The following NKAIN2 variants were observed in gnomAD, a reference collection of about 807,000 sequenced individuals.
NKAIN2 encodes sodium/potassium transporting ATPase interacting 2, also known as sodium/potassium-transporting ATPase subunit beta-1-interacting protein 2.
Under a neutral mutation model 32.6 loss-of-function variants are expected in NKAIN2, and 14 were observed. The ratio of observed to expected loss-of-function variants is 0.43; its 90% CI spans 0.28 to 0.67. The LOEUF (loss-of-function observed/expected upper bound fraction) is 0.67. Ranked by LOEUF, NKAIN2 falls within the 30% of genes least tolerant of loss-of-function variation. The pLI, the probability that NKAIN2 is intolerant of heterozygous loss-of-function variation, is 0.17. For missense variants in NKAIN2, 198 were observed against 258.3 expected (o/e 0.77, Z 1.60); for synonymous variants, 80 against 87.2 (o/e 0.92, Z 0.46).
intron 1 of NKAIN2, among the ~76,000 whole-genome samples, chr6:124,160,747 A>G (rs1426562680): frequency 6.6e-6 from 1 of 152,140 alleles, no homozygotes; most frequent in African/African-American, 2.4e-5. Flanking sequence ...GAAGGTGTAA[A>G]TATGCATGTA....
At chr6:123,910,896 T>G (rs951271544) in intron 1 of NKAIN2, among the ~76,000 whole-genome samples, 6 of 152,118 alleles carry the variant, frequency 3.9e-5, no homozygotes, top group Admixed American at 3.3e-4. Context: ...GATTGAGCCT[T>G]TATTTTTTCT....
chr6:124,719,283 G>T (rs977484302), intron 4 of NKAIN2, among the ~76,000 whole-genome samples: 3 of 152,060 alleles, frequency 2.0e-5, no homozygotes, highest in Non-Finnish European at 4.4e-5. Flanking sequence ...AACTTTAATG[G>T]TAGAATATAT....
intron 6 of NKAIN2, 92 bp from the exon 7 acceptor site, chr6:124,823,128 T>C (rs1307932026): frequency 2.3e-6 from 2 of 874,830 alleles, no homozygotes; most frequent in South Asian, 1.3e-5. Flanking sequence ...TTTGTTTGTT[T>C]GCTCTTGTGC....
At chr6:124,091,764 G>A (rs947896468) in intron 1 of NKAIN2, among the ~76,000 whole-genome samples, 12 of 151,820 alleles carry the variant, frequency 7.9e-5, no homozygotes, top group African/African-American at 2.9e-4. Flanking sequence ...TACACATCGT[G>A]TTGTTTACCT....
intron 3 of NKAIN2, among the ~76,000 whole-genome samples, chr6:124,577,486 C>G (rs1781375750): frequency 6.6e-6 from 1 of 152,120 alleles, no homozygotes; most frequent in Non-Finnish European, 1.5e-5. Context: ...AGAACTCAGC[C>G]AGCACTCACA....
chr6:123,916,870 T>A (rs1775529063), intron 1 of NKAIN2, among the ~76,000 whole-genome samples: 1 of 152,006 alleles, frequency 6.6e-6, no homozygotes, highest in Non-Finnish European at 1.5e-5. Context: ...GTCATCTACC[T>A]ACCTACCTAC....
intron 4 of NKAIN2, among the ~76,000 whole-genome samples, chr6:124,717,972 T>C (rs761674366): frequency 1.3e-5 from 2 of 152,154 alleles, no homozygotes; most frequent in Non-Finnish European, 2.9e-5. Context: ...TGGTTTTATC[T>C]CTAAGGGATC....
intron 3 of NKAIN2, among the ~76,000 whole-genome samples, chr6:124,518,331 A>T (rs1166870139): frequency 6.6e-6 from 1 of 151,992 alleles, no homozygotes; most frequent in East Asian, 1.9e-4. Flanking sequence ...AGCAAAAGAA[A>T]AAAAGAGGCA....
chr6:124,408,719 TC>T (rs1562163642), intron 3 of NKAIN2, among the ~76,000 whole-genome samples: 1 of 151,568 alleles, frequency 6.6e-6, no homozygotes, highest in African/African-American at 2.4e-5. Context: ...AGTAGTTTTT[TC>T]CAATTCTGTG....
chr6:124,286,673 TGCGCGCGC>T (rs71021487), intron 2 of NKAIN2, among the ~76,000 whole-genome samples: 1 of 101,888 alleles, frequency 9.8e-6, no homozygotes, highest in African/African-American at 5.5e-5. Context: ...TGTGTGTGTG[TGCGCGCGC>T]GTGTGTGTGT....
At chr6:123,909,858 T>C (rs1288705682) in intron 1 of NKAIN2, among the ~76,000 whole-genome samples, 2 of 152,142 alleles carry the variant, frequency 1.3e-5, no homozygotes, top group Non-Finnish European at 2.9e-5. Flanking sequence ...TCCACAACCA[T>C]TTGCACAGCA....
At chr6:123,832,894 T>C (rs1489167488) in intron 1 of NKAIN2, among the ~76,000 whole-genome samples, 1 of 152,254 alleles carries the variant, frequency 6.6e-6, no homozygotes, top group Non-Finnish European at 1.5e-5. Flanking sequence ...AAATGTCTTT[T>C]GCAAATATTG....
chr6:124,363,727 A>T (rs1436997371), intron 3 of NKAIN2, among the ~76,000 whole-genome samples: 1 of 152,210 alleles, frequency 6.6e-6, no homozygotes, highest in Non-Finnish European at 1.5e-5. Context: ...ACAATTCTTG[A>T]TTGAAATAAA....
chr6:124,332,899 G>GA (rs1797721746), intron 2 of NKAIN2, among the ~76,000 whole-genome samples: 1 of 152,176 alleles, frequency 6.6e-6, no homozygotes, highest in African/African-American at 2.4e-5. Context: ...TTCAAAAGTA[G>GA]ATAGAACTAG....
chr6:124,410,649 G>C (rs147715555), intron 3 of NKAIN2, among the ~76,000 whole-genome samples: 120 of 152,244 alleles, frequency 7.9e-4, no homozygotes, highest in African/African-American at 2.8e-3. Flanking sequence ...ATGTGGTGTG[G>C]TGCTGAAAAG....
chr6:123,950,740 G>T (rs986475780), intron 1 of NKAIN2, among the ~76,000 whole-genome samples: 3 of 151,766 alleles, frequency 2.0e-5, no homozygotes, highest in African/African-American at 7.2e-5. Flanking sequence ...CAAAAAACCA[G>T]CTTTTCATTT....
chr6:124,204,567 G>A (rs1034425622), intron 1 of NKAIN2, among the ~76,000 whole-genome samples: 8 of 151,624 alleles, frequency 5.3e-5, no homozygotes, highest in Non-Finnish European at 1.2e-4. Flanking sequence ...TTATTTGGAC[G>A]GTTAAGTGGT....
At chr6:123,883,936 T>G (rs796412872) in intron 1 of NKAIN2, among the ~76,000 whole-genome samples, 2 of 150,150 alleles carry the variant, frequency 1.3e-5, no homozygotes, top group Admixed American at 6.7e-5. Flanking sequence ...TCTCAGGTAT[T>G]ACAGTTTTTT....
At chr6:124,616,761 C>T (rs1352947537) in intron 3 of NKAIN2, among the ~76,000 whole-genome samples, 2 of 152,028 alleles carry the variant, frequency 1.3e-5, no homozygotes, top group Non-Finnish European at 2.9e-5. Flanking sequence ...TTCTCTGCTG[C>T]CATCTTTCTG....
Sources: allele counts gnomAD v4.1 joint callset (sites outside exome capture counted in the v4.1 genomes callset), GRCh38; gene constraint gnomAD v4.1.1; transcripts MANE v1.5; gene names NCBI Gene and HGNC (gene_info 2026-07-23, HGNC 2026-07-21).